FHIT: variants seen among roughly 807,000 people sequenced by gnomAD.
The protein encoded by FHIT is fragile histidine triad diadenosine triphosphatase.
Under a neutral mutation model 17.9 loss-of-function variants are expected in FHIT, and 19 were observed. That is an observed-to-expected ratio of 1.06 (90% CI 0.74 to 1.56). The LOEUF (loss-of-function observed/expected upper bound fraction) is 1.56. Ranked by LOEUF, FHIT falls within the 40% of genes most tolerant of loss-of-function variation. The pLI is 0.00. For missense variants in FHIT, 248 were observed against 189.2 expected, an observed-to-expected ratio of 1.31 and a Z score of -1.82; for synonymous variants, 81 against 69.7, an observed-to-expected ratio of 1.16 and a Z score of -0.81.
chr3:60,745,831 T>C (rs148630109), intron 4 of FHIT, among the ~76,000 whole-genome samples: 2 of 152,188 alleles, frequency 1.3e-5, no homozygotes, highest in East Asian at 3.9e-4. Context: ...AAGACCAAAC[T>C]AAAAAGGATC....
intron 3 of FHIT, among the ~76,000 whole-genome samples, chr3:60,934,795 G>A (rs1553772690): frequency 6.6e-6 from 1 of 152,072 alleles, no homozygotes. Context: ...TGGGAAAGGG[G>A]AAAGAATAGT....
chr3:60,928,711 G>A (rs1240084202), intron 3 of FHIT, among the ~76,000 whole-genome samples: 1 of 151,978 alleles, frequency 6.6e-6, no homozygotes, highest in Non-Finnish European at 1.5e-5. Context: ...CTCTGAAATT[G>A]AGGCAACAAT....
intron 5 of FHIT, among the ~76,000 whole-genome samples, chr3:60,485,202 G>A (rs1264104006): frequency 6.6e-6 from 1 of 152,266 alleles, no homozygotes. Context: ...TACACTGTTG[G>A]TGGGAATGTA....
At chr3:61,210,297 G>T (rs1406563758) in intron 1 of FHIT, among the ~76,000 whole-genome samples, 3 of 152,058 alleles carry the variant, frequency 2.0e-5, no homozygotes, top group Non-Finnish European at 4.4e-5. Flanking sequence ...CAGATCTCAA[G>T]CTGCGTGCTG....
At chr3:60,774,561 A>G (rs1700155966) in intron 4 of FHIT, among the ~76,000 whole-genome samples, 1 of 152,186 alleles carries the variant, frequency 6.6e-6, no homozygotes, top group Non-Finnish European at 1.5e-5. Context: ...TTGACCTCCC[A>G]AAGAGTGGGA....
chr3:60,005,291 T>A (rs1046053891), intron 7 of FHIT, among the ~76,000 whole-genome samples: 1 of 146,800 alleles, frequency 6.8e-6, no homozygotes, highest in South Asian at 2.2e-4. Context: ...AAATCAAAGT[T>A]AACAAACTAG....
intron 8 of FHIT, among the ~76,000 whole-genome samples, chr3:59,768,546 C>T (rs746463506): frequency 6.6e-6 from 1 of 152,222 alleles, no homozygotes; most frequent in Non-Finnish European, 1.5e-5. Flanking sequence ...TCTAATTTAT[C>T]TTCCACTCTA....
chr3:59,941,775 C>T (rs1208627421), intron 7 of FHIT, among the ~76,000 whole-genome samples: 2 of 152,154 alleles, frequency 1.3e-5, no homozygotes, highest in Non-Finnish European at 2.9e-5. Context: ...ACGAGGTCCT[C>T]TGAGGGCAAA....
intron 8 of FHIT, among the ~76,000 whole-genome samples, chr3:59,835,246 G>T (rs1021836109): frequency 6.6e-6 from 1 of 152,124 alleles, no homozygotes; most frequent in Admixed American, 6.6e-5. Context: ...TTGGGTAATG[G>T]TTTGGATGTC....
intron 4 of FHIT, among the ~76,000 whole-genome samples, chr3:60,731,753 G>C (rs1553711296): frequency 6.6e-6 from 1 of 152,068 alleles, no homozygotes; most frequent in East Asian, 1.9e-4. Context: ...TGTCTGTTGG[G>C]AGACTATTGT....
At position 60,261,636 on chromosome 3, in the gene FHIT, T is replaced by G. The variant is rs147982174; in HGVS notation, c.104-247484A>C. Among the ~76,000 whole-genome samples the G allele has an allele frequency of 1.0e-3, 158 of 152,170 alleles. 1 individual carries two copies. The Middle Eastern group carries it at 0.024, about 23-fold the overall frequency. Reference sequence around the variant, plus strand: ...ATAGTAAATTAAATTGAGGAAATATTTAATGGATAAGCTTGACTTTGTAAA... The same window carrying G: ...ATAGTAAATTAAATTGAGGAAATATGTAATGGATAAGCTTGACTTTGTAAA... On this transcript the variant is annotated intron_variant, in intron 5 of 9. Transcript: ENST00000492590.
intron 3 of FHIT, among the ~76,000 whole-genome samples, chr3:60,971,897 T>C (rs1559877544): frequency 6.6e-6 from 1 of 152,226 alleles, no homozygotes; most frequent in Non-Finnish European, 1.5e-5. Flanking sequence ...ATACAAGAGA[T>C]GTGGAACAAA....
At chr3:60,636,103 C>T (rs1209655463) in intron 4 of FHIT, among the ~76,000 whole-genome samples, 4 of 151,208 alleles carry the variant, frequency 2.6e-5, no homozygotes, top group Admixed American at 2.0e-4. Context: ...CTTGCTCTCT[C>T]GCCCAGACTG....
At chr3:60,163,172 A>G (rs1246078403) in intron 5 of FHIT, among the ~76,000 whole-genome samples, 2 of 152,116 alleles carry the variant, frequency 1.3e-5, no homozygotes, top group African/African-American at 4.8e-5. Context: ...GGAAACTGAG[A>G]ACTGCACAGG....
At chr3:60,731,472 G>A (rs568455194) in intron 4 of FHIT, among the ~76,000 whole-genome samples, 1 of 152,238 alleles carries the variant, frequency 6.6e-6, no homozygotes, top group Admixed American at 6.5e-5. Flanking sequence ...TCATATATTG[G>A]CATACTTCCA....
intron 5 of FHIT, among the ~76,000 whole-genome samples, chr3:60,392,916 G>C (rs1435354345): frequency 1.3e-5 from 2 of 152,056 alleles, no homozygotes; most frequent in Non-Finnish European, 2.9e-5. Context: ...CTTATTATGA[G>C]AGTCTTTCGG....
At chr3:59,989,975 A>G (rs1019769580) in intron 7 of FHIT, among the ~76,000 whole-genome samples, 1 of 152,092 alleles carries the variant, frequency 6.6e-6, no homozygotes, top group Non-Finnish European at 1.5e-5. Context: ...GGATGAGAAG[A>G]CAAACTCAGC....
intron 5 of FHIT, among the ~76,000 whole-genome samples, chr3:60,267,424 T>C (rs536514103): frequency 6.6e-6 from 1 of 152,242 alleles, no homozygotes; most frequent in Admixed American, 6.5e-5. Flanking sequence ...TTATAAGAAA[T>C]GTTATGTGAA....
At chr3:61,143,565 T>C (rs1198849219) in intron 2 of FHIT, among the ~76,000 whole-genome samples, 2 of 152,134 alleles carry the variant, frequency 1.3e-5, no homozygotes, top group Non-Finnish European at 2.9e-5. Context: ...AGAAAATTAA[T>C]ACCTAAAAAA....
Sources: gnomAD v4.1 joint callset for allele counts (sites outside exome capture counted in the v4.1 genomes callset) on GRCh38, gnomAD v4.1.1 for gene constraint, MANE v1.5 for transcripts, NCBI Gene and HGNC (gene_info 2026-07-23, HGNC 2026-07-21) for gene names.